The following CHD9 variants were observed in gnomAD, a reference collection of about 807,000 sequenced individuals.
CHD9 encodes ATP-dependent chromatin remodeler CHD9.
A neutral mutation model predicts 316.1 loss-of-function variants in CHD9; 77 were observed. That is an observed-to-expected ratio of 0.24 (90% CI 0.20 to 0.29). The LOEUF (loss-of-function observed/expected upper bound fraction) is 0.29, where lower values mean the gene tolerates loss of function less well. Ranked by LOEUF, CHD9 falls within the 10% of genes least tolerant of loss-of-function variation. The probability of loss-of-function intolerance (pLI) is 1.00; values close to 1 mark genes in which losing one functional copy is unlikely to be tolerated. For synonymous variants in CHD9, 1,129 were observed against 1,158.3 expected, an observed-to-expected ratio of 0.97 and a Z score of 0.51; for missense variants, 2,763 against 3,438.1, an observed-to-expected ratio of 0.80 and a Z score of 4.91.
intron 1 of CHD9, among the ~76,000 whole-genome samples, chr16:53,122,544 C>CTT (rs35643983): frequency 2.6e-4 from 34 of 129,842 alleles, no homozygotes; most frequent in Non-Finnish European, 3.4e-4. Flanking sequence ...CTGGGAATCC[C>CTT]TTTTTTTTTT....
At chr16:53,089,463 T>C (rs1383489433) in intron 1 of CHD9, among the ~76,000 whole-genome samples, 1 of 152,326 alleles carries the variant, frequency 6.6e-6, no homozygotes, top group Non-Finnish European at 1.5e-5. Context: ...AAGTTTCACA[T>C]ATTTAATATC....
chr16:53,283,505 C>T (rs2053595229), intron 24 of CHD9, among the ~76,000 whole-genome samples: 1 of 152,104 alleles, frequency 6.6e-6, no homozygotes, highest in South Asian at 2.1e-4. Context: ...ATGGTAATCA[C>T]AATGTTTTGA....
intron 1 of CHD9, among the ~76,000 whole-genome samples, chr16:53,147,960 T>A (rs1419480016): frequency 6.6e-6 from 1 of 152,056 alleles, no homozygotes; most frequent in African/African-American, 2.4e-5. Context: ...TCTCAGCACT[T>A]TGGGAGGTTG....
chr16:53,186,029 G>C (rs183546581), intron 2 of CHD9, among the ~76,000 whole-genome samples: 3 of 152,360 alleles, frequency 2.0e-5, no homozygotes, highest in Non-Finnish European at 4.4e-5. Context: ...CTCCCACACA[G>C]AGTCCCCACC....
At chr16:53,172,069 A>G (rs1465451203) in intron 2 of CHD9, among the ~76,000 whole-genome samples, 1 of 152,178 alleles carries the variant, frequency 6.6e-6, no homozygotes, top group Non-Finnish European at 1.5e-5. Context: ...GAACATATTT[A>G]AAGTATAGAA....
intron 24 of CHD9, among the ~76,000 whole-genome samples, chr16:53,275,885 T>C (rs530964342): frequency 1.1e-4 from 17 of 152,304 alleles, no homozygotes; most frequent in South Asian, 2.1e-4. Flanking sequence ...CCTTGGCCTT[T>C]ATATAGTTAC....
In CHD9 at chr16:53,170,435, T is replaced by C. The variant is rs550642651; in HGVS notation, c.1452+12894T>C. Among the ~76,000 whole-genome samples, 9 of 152,326 alleles carry C rather than the reference T, an allele frequency of 5.9e-5. No homozygotes were observed. In the South Asian group the frequency reaches 1.9e-3, roughly 32 times the overall value. ...AACTCTGTGCTATTTTAACAGATGCTCATTAATCTTTAAGTACTTCTGGTG... is the reference window on the plus strand; with the variant it reads ...AACTCTGTGCTATTTTAACAGATGCCCATTAATCTTTAAGTACTTCTGGTG... On this transcript the variant is annotated intron_variant, in intron 2 of 38. Coordinates refer to ENST00000447540, the MANE Select transcript of CHD9 (RefSeq NM_001308319.2).
rs201609953 is a variant in CHD9, at chr16:53,187,295, GC to G, written c.1453-22186del. Reference sequence around the variant, plus strand: ...GACTGAGGCAGGAAGATCACTTGAGGCTAGGAGTTTGAGACCAGCTTGGGCA... The same window carrying G: ...GACTGAGGCAGGAAGATCACTTGAGGTAGGAGTTTGAGACCAGCTTGGGCA... On this transcript the variant is annotated intron_variant, in intron 2 of 38. Coordinates refer to ENST00000447540, the MANE Select transcript of CHD9 (RefSeq NM_001308319.2). 4.6e-3 allele frequency among the ~76,000 whole-genome samples: 696 copies of G among 152,230 alleles called. 5 individuals are homozygous for G. Among genetic ancestry groups the G allele is most frequent in the African/African-American group, 0.015 (619 of 41,530 alleles).
intron 22 of CHD9, among the ~76,000 whole-genome samples, chr16:53,269,912 A>G (rs2052071555): frequency 6.6e-6 from 1 of 152,128 alleles, no homozygotes; most frequent in South Asian, 2.1e-4. Context: ...TATCCTGCTC[A>G]AAATATTGTA....
At chr16:53,134,331 G>A (rs1010547488) in intron 1 of CHD9, among the ~76,000 whole-genome samples, 11 of 152,180 alleles carry the variant, frequency 7.2e-5, no homozygotes, top group African/African-American at 2.2e-4. Flanking sequence ...TTGTCTTAAC[G>A]TGGGATATAG....
intron 1 of CHD9, among the ~76,000 whole-genome samples, chr16:53,101,484 A>T (rs2036884660): frequency 6.6e-6 from 1 of 152,152 alleles, no homozygotes; most frequent in African/African-American, 2.4e-5. Context: ...TAAATTGCCC[A>T]GGCCGACAAT....
chr16:53,303,297 A>G (rs1487921239), intron 30 of CHD9, among the ~76,000 whole-genome samples: 2 of 151,790 alleles, frequency 1.3e-5, no homozygotes, highest in Non-Finnish European at 2.9e-5. Context: ...AAGCCAAAAG[A>G]TTGGACAACC....
chr16:53,066,177 T>C (rs1036299536), intron 1 of CHD9, among the ~76,000 whole-genome samples: 1 of 152,142 alleles, frequency 6.6e-6, no homozygotes, highest in East Asian at 1.9e-4. Context: ...TTGCTTAACC[T>C]CCTGAGCCTA....
chr16:53,259,668 A>G (rs2050915046), intron 19 of CHD9, among the ~76,000 whole-genome samples: 2 of 152,122 alleles, frequency 1.3e-5, no homozygotes, highest in Non-Finnish European at 1.5e-5. Flanking sequence ...ACATGCCGCC[A>G]TGCCCAGTTA....
rs756151176 is a variant in CHD9 at position 53,156,081 on chromosome 16, AT to A, written c.-5del. ...AGTGAACAGCCCGGATTGTTACAGA[AT>A]TTTCAAGATGACAGATCCAATGATG... On this transcript the variant is annotated 5_prime_UTR_variant, in exon 2 of 39. Transcript: ENST00000447540. 2 of 1,607,352 alleles carry A rather than the reference AT, an allele frequency of 1.2e-6. No individual in the cohort carries two copies. The highest frequency in any genetic ancestry group is 3.4e-5 in the Admixed American group (2 of 59,488).
At chr16:53,276,307 G>C (rs2052814039) in intron 24 of CHD9, among the ~76,000 whole-genome samples, 1 of 152,154 alleles carries the variant, frequency 6.6e-6, no homozygotes, top group Non-Finnish European at 1.5e-5. Flanking sequence ...AATCAAGCAA[G>C]CCATGCTGAA....
rs567012142 is a variant in CHD9 at position 53,137,772 on chromosome 16, C to G, written c.-164-18154C>G. ...TGTACCTGTTGGATTATAGTAGATT[C>G]TAACAGAACCCAGTTTTATGTTCTT... On this transcript the variant is annotated intron_variant, in intron 1 of 38. Coordinates refer to ENST00000447540, the MANE Select transcript of CHD9 (RefSeq NM_001308319.2). Among the ~76,000 whole-genome samples the G allele has an allele frequency of 2.0e-4, 30 of 152,250 alleles. 1 individual carries two copies. In the South Asian group the frequency reaches 6.0e-3, roughly 30 times the overall value.
At chr16:53,306,480 G>GTAA in intron 32 of CHD9, 83 bp downstream of exon 32, 1 of 1,130,088 alleles carries the variant, frequency 8.8e-7, no homozygotes, top group Non-Finnish European at 1.2e-6. Flanking sequence ...CTTACTATGT[G>GTAA]GAAACATAGG....
chr16:53,320,864 A>G (rs889429583), intron 37 of CHD9, among the ~76,000 whole-genome samples: 2 of 152,130 alleles, frequency 1.3e-5, no homozygotes, highest in African/African-American at 4.8e-5. Context: ...CGATAACAGT[A>G]TTGGTTTTTG....
Sources: gnomAD v4.1 joint callset for allele counts (sites outside exome capture counted in the v4.1 genomes callset) on GRCh38, gnomAD v4.1.1 for gene constraint, MANE v1.5 for transcripts, NCBI Gene and HGNC (gene_info 2026-07-23, HGNC 2026-07-21) for gene names.